KCNB2: variants seen among roughly 807,000 people sequenced by gnomAD.
The protein encoded by KCNB2 is potassium voltage-gated channel subfamily B member 2.
In KCNB2, 15 loss-of-function variants were observed where a neutral mutation model predicts 61.5. That is an observed-to-expected ratio of 0.24 (90% CI 0.16 to 0.38). The LOEUF is 0.38. KCNB2 is among the 10% of genes least tolerant of loss of function. The pLI, the probability that KCNB2 is intolerant of heterozygous loss-of-function variation, is 1.00. For missense variants in KCNB2, 828 were observed against 1,125.2 expected, an observed-to-expected ratio of 0.74 and a Z score of 3.78; for synonymous variants, 457 against 446.0, an observed-to-expected ratio of 1.02 and a Z score of -0.31.
intron 2 of KCNB2, among the ~76,000 whole-genome samples, chr8:72,886,039 G>A (rs187789265): frequency 4.8e-4 from 73 of 152,108 alleles, no homozygotes; most frequent in East Asian, 3.7e-3. Context: ...CCCTACCTTC[G>A]TATCCCATAA....
intron 2 of KCNB2, among the ~76,000 whole-genome samples, chr8:72,919,038 G>A (rs2170451): frequency 0.012 from 1,889 of 152,218 alleles, 46 homozygotes; most frequent in African/African-American, 0.043. Flanking sequence ...GGCACCCACA[G>A]GTCTTTTTCA....
At chr8:72,858,349 A>C (rs1810239538) in intron 2 of KCNB2, among the ~76,000 whole-genome samples, 1 of 152,182 alleles carries the variant, frequency 6.6e-6, no homozygotes, top group African/African-American at 2.4e-5. Context: ...ATGTCTTTAG[A>C]GGAAACCATA....
intron 2 of KCNB2, among the ~76,000 whole-genome samples, chr8:72,598,802 C>G (rs1445547292): frequency 1.3e-5 from 2 of 151,946 alleles, no homozygotes; most frequent in Admixed American, 1.3e-4. Flanking sequence ...TCTTATACAC[C>G]AATAAGAGAC....
At chr8:72,716,896 T>C (rs1448930446) in intron 2 of KCNB2, among the ~76,000 whole-genome samples, 1 of 152,134 alleles carries the variant, frequency 6.6e-6, no homozygotes, top group Non-Finnish European at 1.5e-5. Flanking sequence ...GATGACATGA[T>C]TGTATATCTA....
intron 2 of KCNB2, among the ~76,000 whole-genome samples, chr8:72,935,723 G>A (rs557661741): frequency 7.9e-5 from 12 of 152,298 alleles, no homozygotes; most frequent in Non-Finnish European, 1.6e-4. Flanking sequence ...CAATGAGTGC[G>A]GAAGGGGGGA....
Position 72,597,001 on chromosome 8 carries a change from C to CTTT in KCNB2, c.579+28727_579+28729dup, listed in dbSNP as rs869160203. The stretch of plus-strand genomic sequence containing the variant: ...GCATGCTTGCTTGCTTGCTTGCTTG[C>CTTT]TTTTTTTTTTTTTTTTTTTTTTTTT... On this transcript the variant is annotated intron_variant, in intron 2 of 2. Coordinates refer to ENST00000523207, the MANE Select transcript of KCNB2 (RefSeq NM_004770.3). 3.6e-3 allele frequency among the ~76,000 whole-genome samples: 235 copies of CTTT among 64,636 alleles called. 42 individuals carry two copies. The highest frequency in any genetic ancestry group is 8.8e-3 in the East Asian group (14 of 1,594). The allele number at this position is 64,636 out of a possible 152,430, so 42.4% of individuals were successfully genotyped here. A position where few individuals can be genotyped will look rare whatever the true frequency, so the allele number is the denominator to read the frequency against.
At chr8:72,637,442 A>G (rs1805984088) in intron 2 of KCNB2, among the ~76,000 whole-genome samples, 1 of 152,102 alleles carries the variant, frequency 6.6e-6, no homozygotes, top group Non-Finnish European at 1.5e-5. Context: ...CTATCAATCT[A>G]TCCAGTGTAA....
chr8:72,696,226 A>T (rs898874201), intron 2 of KCNB2, among the ~76,000 whole-genome samples: 17 of 152,302 alleles, frequency 1.1e-4, no homozygotes, highest in African/African-American at 4.1e-4. Flanking sequence ...TTCAAGAGTG[A>T]ATCAGATGTG....
At chr8:72,808,458 A>C (rs191633088) in intron 2 of KCNB2, among the ~76,000 whole-genome samples, 1 of 152,194 alleles carries the variant, frequency 6.6e-6, no homozygotes, top group African/African-American at 2.4e-5. Context: ...TGGACAACTC[A>C]GTAAATGTTT....
At chr8:72,861,823 C>T (rs1390922218) in intron 2 of KCNB2, among the ~76,000 whole-genome samples, 1 of 152,114 alleles carries the variant, frequency 6.6e-6, no homozygotes, top group Admixed American at 6.6e-5. Flanking sequence ...CCCATGAATC[C>T]TCTGTAAAAT....
chr8:72,560,398 C>T (rs1806493258), intron 1 of KCNB2, among the ~76,000 whole-genome samples: 1 of 152,164 alleles, frequency 6.6e-6, no homozygotes, highest in East Asian at 1.9e-4. Context: ...TTGTGTCATT[C>T]ACGTGGAATC....
chr8:72,718,921 C>T (rs138131946), intron 2 of KCNB2, among the ~76,000 whole-genome samples: 1 of 151,980 alleles, frequency 6.6e-6, no homozygotes, highest in South Asian at 2.1e-4. Context: ...ATAAATTGGC[C>T]GAGTCATAAG....
intron 2 of KCNB2, among the ~76,000 whole-genome samples, chr8:72,783,209 T>A (rs576543718): frequency 1.1e-3 from 174 of 152,330 alleles, no homozygotes; most frequent in Admixed American, 2.6e-3. Context: ...TTCCAACTTC[T>A]ACTTTCAACC....
chr8:72,810,237 TG>T (rs200481309), intron 2 of KCNB2, among the ~76,000 whole-genome samples: 294 of 152,276 alleles, frequency 1.9e-3, no homozygotes, highest in African/African-American at 6.6e-3. Context: ...AGAAAACAGG[TG>T]GGACAGAAAG....
At chr8:72,894,784 C>T (rs1301969437) in intron 2 of KCNB2, among the ~76,000 whole-genome samples, 3 of 152,100 alleles carry the variant, frequency 2.0e-5, no homozygotes, top group African/African-American at 7.2e-5. Context: ...TGCCTCTTTT[C>T]GGGAATTGTA....
At chr8:72,843,768 T>C (rs1443037647) in intron 2 of KCNB2, among the ~76,000 whole-genome samples, 1 of 152,190 alleles carries the variant, frequency 6.6e-6, no homozygotes, top group African/African-American at 2.4e-5. Flanking sequence ...CCCCTGCTTT[T>C]TTTTGCTTTC....
chr8:72,747,638 T>G (rs1337436359), intron 2 of KCNB2, among the ~76,000 whole-genome samples: 1 of 152,114 alleles, frequency 6.6e-6, no homozygotes, highest in Non-Finnish European at 1.5e-5. Flanking sequence ...ATTAGAGAAG[T>G]AAAGAAACAA....
chr8:72,860,820 CT>C, intron 2 of KCNB2, among the ~76,000 whole-genome samples: 1 of 152,310 alleles, frequency 6.6e-6, no homozygotes, highest in Admixed American at 6.5e-5. Context: ...CATGATGCAT[CT>C]TCTTGAAGGA....
At chr8:72,782,404 T>A (rs1285525250) in intron 2 of KCNB2, among the ~76,000 whole-genome samples, 1 of 152,086 alleles carries the variant, frequency 6.6e-6, no homozygotes, top group Non-Finnish European at 1.5e-5. Context: ...CACGACTCTC[T>A]CCCCTCTATG....
Sources: gnomAD v4.1 joint callset for allele counts (sites outside exome capture counted in the v4.1 genomes callset) on GRCh38, gnomAD v4.1.1 for gene constraint, MANE v1.5 for transcripts, NCBI Gene and HGNC (gene_info 2026-07-23, HGNC 2026-07-21) for gene names.